The following RABGAP1L variants were observed in gnomAD, a reference collection of about 807,000 sequenced individuals.
RABGAP1L encodes the protein rab GTPase-activating protein 1-like.
Under a neutral mutation model 137.7 loss-of-function variants are expected in RABGAP1L, and 63 were observed. The ratio of observed to expected loss-of-function variants is 0.46; its 90% CI spans 0.37 to 0.56. The LOEUF is 0.56. RABGAP1L is among the 20% of genes least tolerant of loss of function. The pLI is 0.00. For missense variants in RABGAP1L, 1,095 were observed against 1,244.0 expected (o/e 0.88, Z 1.80); for synonymous variants, 431 against 433.7 (o/e 0.99, Z 0.08).
chr1:174,489,306 T>C (rs1659980409), intron 13 of RABGAP1L, among the ~76,000 whole-genome samples: 1 of 152,050 alleles, frequency 6.6e-6, no homozygotes, highest in Non-Finnish European at 1.5e-5. Flanking sequence ...ATCCAGAATC[T>C]ACAAAGAACT....
Position 174,683,519 on chromosome 1 carries a change from T to A in RABGAP1L, c.1825-3T>A, listed in dbSNP as rs1445130655. On this transcript the variant is annotated splice_region_variant and splice_polypyrimidine_tract_variant and intron_variant, in intron 14 of 25. Coordinates refer to ENST00000681986, the MANE Select transcript of RABGAP1L (RefSeq NM_001366446.1). ...TATTTCTTTCTTTTCATCTTTTCTCTAGGCCTACTCTGTGTATGATGAAGA... is the reference window on the plus strand; with the variant it reads ...TATTTCTTTCTTTTCATCTTTTCTCAAGGCCTACTCTGTGTATGATGAAGA... 1 of 1,589,404 alleles carries A rather than the reference T, an allele frequency of 6.3e-7. No individual in the cohort carries two copies. Among genetic ancestry groups the A allele is most frequent in the South Asian group, 1.1e-5 (1 of 89,704 alleles).
intron 7 of RABGAP1L, among the ~76,000 whole-genome samples, chr1:174,269,457 C>T (rs1674369869): frequency 6.6e-6 from 1 of 152,090 alleles, no homozygotes; most frequent in South Asian, 2.1e-4. Flanking sequence ...GCATGAATCC[C>T]GGTCGTGTAA....
intron 13 of RABGAP1L, among the ~76,000 whole-genome samples, chr1:174,505,996 A>T (rs750748135): frequency 6.6e-6 from 1 of 152,240 alleles, no homozygotes; most frequent in East Asian, 1.9e-4. Context: ...ATACATAAAC[A>T]TGAATGAACC....
intron 13 of RABGAP1L, among the ~76,000 whole-genome samples, chr1:174,527,180 G>A (rs1393504139): frequency 6.7e-6 from 1 of 149,852 alleles, no homozygotes; most frequent in Non-Finnish European, 1.5e-5. Context: ...ATTGTGGTCT[G>A]AGAAAACATA....
chr1:174,599,716 G>A (rs1253207208), intron 13 of RABGAP1L, among the ~76,000 whole-genome samples: 1 of 152,012 alleles, frequency 6.6e-6, no homozygotes, highest in Non-Finnish European at 1.5e-5. Flanking sequence ...TCCATTGTAT[G>A]TTATTTGTTT....
chr1:174,475,012 G>A (rs1658353354), intron 13 of RABGAP1L, among the ~76,000 whole-genome samples: 1 of 151,890 alleles, frequency 6.6e-6, no homozygotes, highest in African/African-American at 2.4e-5. Context: ...TAAATGTAAT[G>A]TATGTTACAA....
chr1:174,222,268 C>G (rs949325973), intron 3 of RABGAP1L, among the ~76,000 whole-genome samples: 9 of 152,174 alleles, frequency 5.9e-5, no homozygotes, highest in African/African-American at 1.4e-4. Flanking sequence ...AAATAAGTCA[C>G]TCTGACAGAG....
chr1:174,573,185 CTATA>C (rs1243629792), intron 13 of RABGAP1L, among the ~76,000 whole-genome samples: 2 of 150,370 alleles, frequency 1.3e-5, no homozygotes, highest in East Asian at 3.9e-4. Context: ...TGTATATACA[CTATA>C]TGTGTGTGTA....
rs770559643 is a variant in RABGAP1L at position 174,241,639 on chromosome 1, C to T, written c.699C>T (p.Ser233=). The T allele has an allele frequency of 1.9e-6, 3 of 1,612,452 alleles. No individual in the cohort carries two copies. The highest frequency in any genetic ancestry group is 3.4e-5 in the Admixed American group (2 of 59,634). The part of the protein sequence containing the change: ...GSEEFQIHVF[S]CEIKEAVSRI... Reference sequence around the variant, plus strand: ...AAGAATTTCAGATACATGTTTTCTCCTGTGAAATTAAAGAGGCAGTAAGTA... The same window carrying T: ...AAGAATTTCAGATACATGTTTTCTCTTGTGAAATTAAAGAGGCAGTAAGTA... Residue 233 remains serine (S), a synonymous_variant, in exon 5 of 26, where the codon TCC becomes TCT. Transcript: ENST00000681986.
In RABGAP1L at chr1:174,658,221, TC is replaced by T. The variant is rs1478602498; in HGVS notation, c.1824+20734del. Among the ~76,000 whole-genome samples, 13 of 152,336 alleles carry T rather than the reference TC, an allele frequency of 8.5e-5. No individual in the cohort carries two copies. The East Asian group carries it at 2.5e-3, about 29-fold the overall frequency. On this transcript the variant is annotated intron_variant, in intron 14 of 25. Coordinates refer to ENST00000681986, the MANE Select transcript of RABGAP1L (RefSeq NM_001366446.1). The stretch of plus-strand genomic sequence containing the variant: ...CAGGTATTTGGTCAATTTCTAGAGT[TC>T]TGAAAAAGTTGATTCTGATTATTTT...
intron 13 of RABGAP1L, among the ~76,000 whole-genome samples, chr1:174,609,771 C>T (rs1474427077): frequency 2.0e-5 from 3 of 152,128 alleles, no homozygotes; most frequent in African/African-American, 7.2e-5. Flanking sequence ...TCATCTGTCA[C>T]TTTAATAAGA....
chr1:174,407,158 T>A (rs1649371891), intron 13 of RABGAP1L, among the ~76,000 whole-genome samples: 1 of 152,124 alleles, frequency 6.6e-6, no homozygotes, highest in African/African-American at 2.4e-5. Context: ...AGGCAGCTGA[T>A]ACCCATGAGG....
intron 1 of RABGAP1L, among the ~76,000 whole-genome samples, chr1:174,190,229 G>A (rs1293800747): frequency 6.6e-6 from 1 of 151,518 alleles, no homozygotes; most frequent in Admixed American, 6.6e-5. Flanking sequence ...CTTGAACGCG[G>A]GAGGCAGAGG....
At chr1:174,461,995 G>A (rs1306647293) in intron 13 of RABGAP1L, among the ~76,000 whole-genome samples, 1 of 152,138 alleles carries the variant, frequency 6.6e-6, no homozygotes. Context: ...TAGGAAGAAT[G>A]AGAATTTTTG....
chr1:174,969,235 T>A, intron 20 of RABGAP1L, 42 bp from the exon 21 acceptor site: 1 of 1,424,462 alleles, frequency 7.0e-7, no homozygotes, highest in Non-Finnish European at 9.7e-7. Flanking sequence ...TTTCTGTATG[T>A]CCAGACACTA....
chr1:174,629,170 T>C lies in RABGAP1L; in HGVS notation c.1711-8205T>C, dbSNP rs114246570. Reference sequence around the variant, plus strand: ...TTTGTTGAATGAGTGAGTGAGTGAATTTGGATGATTAGATGTGCATTCCTG... The same window carrying C: ...TTTGTTGAATGAGTGAGTGAGTGAACTTGGATGATTAGATGTGCATTCCTG... On this transcript the variant is annotated intron_variant, in intron 13 of 25. Transcript: ENST00000681986. Among the ~76,000 whole-genome samples, 1,437 of 152,296 alleles carry C rather than the reference T, an allele frequency of 9.4e-3. 24 individuals carry two copies. Among genetic ancestry groups the C allele is most frequent in the African/African-American group, 0.033 (1,376 of 41,564 alleles).
intron 19 of RABGAP1L, among the ~76,000 whole-genome samples, chr1:174,813,532 T>TA (rs1690089991): frequency 6.6e-6 from 1 of 152,172 alleles, no homozygotes; most frequent in African/African-American, 2.4e-5. Context: ...TTATAAATGT[T>TA]AAAAAGTACA....
intron 1 of RABGAP1L, among the ~76,000 whole-genome samples, chr1:174,202,595 G>C (rs1668206336): frequency 6.6e-6 from 1 of 152,118 alleles, no homozygotes; most frequent in East Asian, 1.9e-4. Context: ...CTCCCATTTT[G>C]TAGGTTGCCT....
At chr1:174,263,900 C>T (rs967444552) in intron 7 of RABGAP1L, among the ~76,000 whole-genome samples, 4 of 151,682 alleles carry the variant, frequency 2.6e-5, no homozygotes, top group Non-Finnish European at 5.9e-5. Context: ...TTACAGGGGT[C>T]AGTATTAAGT....
Sources: gnomAD v4.1 joint callset for allele counts (sites outside exome capture counted in the v4.1 genomes callset) on GRCh38, gnomAD v4.1.1 for gene constraint, MANE v1.5 for transcripts, NCBI Gene and HGNC (gene_info 2026-07-23, HGNC 2026-07-21) for gene names.